Variants in SUMF1 observed in about 807,000 individuals in gnomAD.
SUMF1 encodes the protein sulfatase modifying factor 1, also known as formylglycine-generating enzyme.
Under a neutral mutation model 47.6 loss-of-function variants are expected in SUMF1, and 48 were observed. The observed-to-expected ratio is 1.01, with a 90% CI of 0.80 to 1.28. The LOEUF (loss-of-function observed/expected upper bound fraction) is 1.28, where lower values mean the gene tolerates loss of function less well. Ranked by LOEUF, SUMF1 falls within the 50% of genes most tolerant of loss-of-function variation. The pLI is 0.00. For synonymous variants in SUMF1, 230 were observed against 192.1 expected (o/e 1.20, Z -1.63); for missense variants, 571 against 485.4 (o/e 1.18, Z -1.66).
intron 8 of SUMF1, among the ~76,000 whole-genome samples, chr3:4,133,875 A>C (rs1693852727): frequency 6.6e-6 from 1 of 152,088 alleles, no homozygotes; most frequent in South Asian, 2.1e-4. Context: ...TCTACTGCTA[A>C]AGTGGGGGCA....
rs546121725 is a variant in SUMF1 at position 4,056,335 on chromosome 3, T to G, written c.1191+12234A>C. Among the ~76,000 whole-genome samples the G allele has an allele frequency of 5.1e-4, 77 of 152,226 alleles. 1 individual carries two copies. The highest frequency in any genetic ancestry group is 1.7e-3 in the African/African-American group (71 of 41,540). On this transcript the variant is annotated intron_variant and NMD_transcript_variant, in intron 9 of 12. Transcript: ENST00000448413. ...ATCAAAATACAGAAACTAAAAAGGTTCATACAGTATGAAATAAATCCCAAA... is the reference window on the plus strand; with the variant it reads ...ATCAAAATACAGAAACTAAAAAGGTGCATACAGTATGAAATAAATCCCAAA...
intron 8 of SUMF1, among the ~76,000 whole-genome samples, chr3:4,082,465 C>T (rs1038136727): frequency 6.6e-6 from 1 of 151,670 alleles, no homozygotes; most frequent in Non-Finnish European, 1.5e-5. Flanking sequence ...TGAGACCCAC[C>T]CTGTTTCAAA....
intron 8 of SUMF1, among the ~76,000 whole-genome samples, chr3:4,132,877 T>C (rs1436728581): frequency 6.6e-6 from 1 of 152,050 alleles, no homozygotes; most frequent in Admixed American, 6.5e-5. Context: ...CTCTTAACAT[T>C]ACCATGCCCT....
At chr3:4,186,335 C>A (rs1428164199) in intron 8 of SUMF1, among the ~76,000 whole-genome samples, 1 of 152,118 alleles carries the variant, frequency 6.6e-6, no homozygotes, top group Non-Finnish European at 1.5e-5. Flanking sequence ...TAAGACTCCA[C>A]CCATGTCGGT....
intron 8 of SUMF1, among the ~76,000 whole-genome samples, chr3:4,143,215 T>C (rs1694113180): frequency 6.6e-6 from 1 of 152,146 alleles, no homozygotes; most frequent in African/African-American, 2.4e-5. Context: ...TAGATATTCA[T>C]TAAAACAGAA....
chr3:4,396,769 C>T (rs943313151), intron 7 of SUMF1, among the ~76,000 whole-genome samples: 2 of 152,170 alleles, frequency 1.3e-5, no homozygotes, highest in Non-Finnish European at 2.9e-5. Context: ...TCTCTCCCCA[C>T]TGAGAGACAG....
chr3:4,245,748 GC>G, intron 8 of SUMF1, among the ~76,000 whole-genome samples: 1 of 152,278 alleles, frequency 6.6e-6, no homozygotes, highest in Middle Eastern at 3.4e-3. Flanking sequence ...TGAATGCCAT[GC>G]CGGTAGAATG....
chr3:4,313,866 G>A, intron 8 of SUMF1: 1 of 1,542,838 alleles, frequency 6.5e-7, no homozygotes, highest in Non-Finnish European at 8.7e-7. Flanking sequence ...CAGGAATGTG[G>A]CAGAGACTGC....
chr3:4,099,358 A>G (rs1173851852), intron 8 of SUMF1, among the ~76,000 whole-genome samples: 1 of 152,128 alleles, frequency 6.6e-6, no homozygotes, highest in East Asian at 1.9e-4. Context: ...AAGGACAAAA[A>G]CCATACGATC....
downstream of SUMF1, among the ~76,000 whole-genome samples, chr3:4,360,320 CTT>C (rs11291635): frequency 1.0e-4 from 14 of 135,430 alleles, no homozygotes; most frequent in East Asian, 1.1e-3. Flanking sequence ...AGCTACATGA[CTT>C]TTTTTTTTTT....
chr3:4,093,050 G>A (rs1386156816), intron 8 of SUMF1, among the ~76,000 whole-genome samples: 2 of 152,098 alleles, frequency 1.3e-5, no homozygotes, highest in East Asian at 3.8e-4. Flanking sequence ...CAATTGGGTA[G>A]ACTGGCTTCT....
intron 8 of SUMF1, among the ~76,000 whole-genome samples, chr3:4,097,062 T>A (rs1365823245): frequency 6.6e-6 from 1 of 152,092 alleles, no homozygotes; most frequent in Non-Finnish European, 1.5e-5. Flanking sequence ...AACTTCAAAT[T>A]TCATTATTAA....
At chr3:4,144,917 C>T (rs948888170) in intron 8 of SUMF1, among the ~76,000 whole-genome samples, 3 of 152,050 alleles carry the variant, frequency 2.0e-5, no homozygotes, top group Non-Finnish European at 4.4e-5. Context: ...AAAGCCATCT[C>T]GGCAGGGCGC....
At chr3:4,065,743 C>T (rs1292892355) in intron 9 of SUMF1, among the ~76,000 whole-genome samples, 2 of 152,140 alleles carry the variant, frequency 1.3e-5, no homozygotes, top group Admixed American at 6.6e-5. Context: ...CTTACAACAA[C>T]CCAGCAAGGC....
intron 4 of SUMF1, among the ~76,000 whole-genome samples, 158 bp from the exon 5 acceptor site, chr3:4,418,290 G>A (rs1701783596): frequency 6.6e-6 from 1 of 152,206 alleles, no homozygotes; most frequent in East Asian, 1.9e-4. Flanking sequence ...CATCTGTCAT[G>A]CTCCACCAAC....
Position 4,253,674 on chromosome 3 carries a change from G to C in SUMF1, c.1014+122656C>G, listed in dbSNP as rs1042047764. Among the ~76,000 whole-genome samples, 14 of 151,614 alleles carry C rather than the reference G, an allele frequency of 9.2e-5. 1 individual carries two copies. Among genetic ancestry groups the C allele is most frequent in the Admixed American group, 6.6e-5 (1 of 15,254 alleles). ...TGTGATCAAACTGCAAGGCGGCAGC[G>C]AGGCTGGGGGAGGGGCGCCCGCCAT... On this transcript the variant is annotated intron_variant and NMD_transcript_variant, in intron 8 of 12. Transcript: ENST00000448413.
rs2079975324 is a variant in SUMF1, at chr3:4,467,127, C to G, written c.119G>C (p.Gly40Ala). The change falls in exon 1 of 9, where the codon GGT becomes GCT. Residue 40 changes from glycine (G) to alanine (A), a missense_variant. Physicochemically the swap from Gly to Ala is moderately conservative, Grantham distance 60 (BLOSUM62 0). Transcript: ENST00000272902. ...ACCCGCAAGGGACCCCGCGCCCGCA[C>G]CGGTCCCGGCCTCCTGGCTCCCTGC... ...GAAGSQEAGT[G>A]AGAGSLAGSC... 1 of 1,562,958 alleles carries G rather than the reference C, an allele frequency of 6.4e-7. No homozygotes were observed. Among genetic ancestry groups the G allele is most frequent in the African/African-American group, 1.4e-5 (1 of 73,556 alleles).
chr3:4,247,311 C>T (rs73115920), intron 8 of SUMF1, among the ~76,000 whole-genome samples: 1,822 of 152,274 alleles, frequency 0.012, 36 homozygotes, highest in African/African-American at 0.042. Flanking sequence ...CTAAATGTTC[C>T]TGATATTTCC....
At chr3:4,225,454 C>A (rs965971659) in intron 8 of SUMF1, among the ~76,000 whole-genome samples, 1 of 152,126 alleles carries the variant, frequency 6.6e-6, no homozygotes, top group South Asian at 2.1e-4. Context: ...AGTAAGCACC[C>A]AATGAATGCT....
Sources: gnomAD v4.1 joint callset for allele counts (sites outside exome capture counted in the v4.1 genomes callset) on GRCh38, gnomAD v4.1.1 for gene constraint, MANE v1.5 for transcripts, NCBI Gene and HGNC (gene_info 2026-07-23, HGNC 2026-07-21) for gene names.